Variants in WDR37 observed in about 807,000 individuals in gnomAD.
The protein encoded by WDR37 is WD repeat-containing protein 37.
A neutral mutation model predicts 62.9 loss-of-function variants in WDR37; 19 were observed. That is an observed-to-expected ratio of 0.30 (90% CI 0.21 to 0.44). The LOEUF is 0.44. Ranked by LOEUF, WDR37 falls within the 20% of genes least tolerant of loss-of-function variation. The pLI is 1.00. For synonymous variants in WDR37, 250 were observed against 260.9 expected (o/e 0.96, Z 0.40); for missense variants, 474 against 657.6 (o/e 0.72, Z 3.05).
chr10:1,128,969 G>A (rs891694886), intron 13 of WDR37, among the ~76,000 whole-genome samples: 2 of 150,964 alleles, frequency 1.3e-5, no homozygotes, highest in Non-Finnish European at 3.0e-5. Flanking sequence ...GTTGGTGCTC[G>A]GCAGTCCATG....
At chr10:1,117,094 G>A (rs1039714719) in intron 11 of WDR37, among the ~76,000 whole-genome samples, 6 of 152,036 alleles carry the variant, frequency 3.9e-5, no homozygotes, top group Non-Finnish European at 8.8e-5. Context: ...TCACCCTCTC[G>A]CCTAGGCTGG....
At chr10:1,128,409 C>G (rs1484765521) in intron 13 of WDR37, among the ~76,000 whole-genome samples, 1 of 152,230 alleles carries the variant, frequency 6.6e-6, no homozygotes, top group East Asian at 1.9e-4. Flanking sequence ...ATTGCTCTGT[C>G]ACATATTTTG....
At chr10:1,118,357 C>G (rs1564512389) in intron 11 of WDR37, among the ~76,000 whole-genome samples, 1 of 145,756 alleles carries the variant, frequency 6.9e-6, no homozygotes, top group Non-Finnish European at 1.5e-5. Context: ...CTTGAAGTCC[C>G]TGCACACATC....
chr10:1,076,859 G>A lies in WDR37; in HGVS notation c.139-1048G>A, dbSNP rs1833893686. ...AGATTGACACCATCCTGGCCAGCAT[G>A]TGTGGTGGCGCACGCCTATAGTCCC... On this transcript the variant is annotated intron_variant, in intron 2 of 13. Coordinates refer to ENST00000263150, the MANE Select transcript of WDR37 (RefSeq NM_014023.4). 2.0e-5 allele frequency among the ~76,000 whole-genome samples: 3 copies of A among 151,568 alleles called. No individual in the cohort carries two copies. The South Asian group carries it at 6.2e-4, about 32-fold the overall frequency.
At chr10:1,076,522 A>G (rs1833882290) in intron 2 of WDR37, among the ~76,000 whole-genome samples, 1 of 151,856 alleles carries the variant, frequency 6.6e-6, no homozygotes, top group Admixed American at 6.6e-5. Flanking sequence ...AACTGAAAAT[A>G]CAAAAAATTA....
At chr10:1,084,376 T>G in intron 5 of WDR37, 27 bp from the exon 6 acceptor site, 1 of 1,598,410 alleles carries the variant, frequency 6.3e-7, no homozygotes, top group Non-Finnish European at 8.6e-7. Flanking sequence ...GTAAATTGTT[T>G]CACAAGACTC....
At chr10:1,111,779 G>T (rs1304306864) in intron 11 of WDR37, among the ~76,000 whole-genome samples, 2 of 152,214 alleles carry the variant, frequency 1.3e-5, no homozygotes, top group Non-Finnish European at 2.9e-5. Flanking sequence ...AGCAATTTTA[G>T]ATACTTCATA....
In WDR37 at chr10:1,124,281, G is replaced by T. The variant is rs145245986; in HGVS notation, c.1167G>T (p.Thr389=). 6.2e-7 allele frequency: 1 copy of T among 1,614,198 alleles called. No homozygotes were observed. Among genetic ancestry groups the T allele is most frequent in the South Asian group, 1.1e-5 (1 of 91,086 alleles). The change falls in exon 12 of 14, where the codon ACG becomes ACT. Residue 389 remains threonine (T), a synonymous_variant. Coordinates refer to ENST00000263150, the MANE Select transcript of WDR37 (RefSeq NM_014023.4). ...TGGTTTCAGGCAGCGATGACCGCACGGTGAAAGTCTGGGACTTGAAAAATA... is the reference window on the plus strand; with the variant it reads ...TGGTTTCAGGCAGCGATGACCGCACTGTGAAAGTCTGGGACTTGAAAAATA... ...DNVVSGSDDR[T]VKVWDLKNMR... is the part of the protein sequence containing the mutation.
intron 11 of WDR37, among the ~76,000 whole-genome samples, chr10:1,107,803 ACTG>A (rs1364579561): frequency 2.0e-5 from 3 of 150,286 alleles, no homozygotes; most frequent in Non-Finnish European, 4.4e-5. Context: ...GTATTGCAGC[ACTG>A]CTGTCTCTCT....
chr10:1,098,154 G>A (rs990209532), intron 9 of WDR37, among the ~76,000 whole-genome samples: 2 of 152,144 alleles, frequency 1.3e-5, no homozygotes, highest in Admixed American at 6.5e-5. Context: ...CAGTGTGGCT[G>A]TATTTGGAGA....
intron 1 of WDR37, among the ~76,000 whole-genome samples, chr10:1,063,076 A>T (rs1222998333): frequency 4.0e-5 from 6 of 148,276 alleles, no homozygotes; most frequent in Non-Finnish European, 8.9e-5. Flanking sequence ...ACAGAGCGAC[A>T]CTCTGTTAAA....
At position 1,117,930 on chromosome 10, in the gene WDR37, C is replaced by G. The variant is rs554502349; in HGVS notation, c.1104-6288C>G. 5.8e-4 allele frequency among the ~76,000 whole-genome samples: 88 copies of G among 151,020 alleles called. 1 individual carries two copies. Among genetic ancestry groups the G allele is most frequent in the East Asian group, 4.7e-3 (24 of 5,118 alleles). ...ATCTGAGCCGCGTGCACTCAGCCAC[C>G]CTCAACCAGCTCTGTTTGAAGTCCC... On this transcript the variant is annotated intron_variant, in intron 11 of 13. Transcript: ENST00000263150.
intron 11 of WDR37, among the ~76,000 whole-genome samples, chr10:1,107,302 A>G (rs1389661994): frequency 3.4e-5 from 1 of 29,546 alleles, no homozygotes; most frequent in South Asian, 1.7e-3. Flanking sequence ...ACCACTGTGT[A>G]GGGCGGGGCA....
At chr10:1,092,155 G>T (rs1834413839) in intron 7 of WDR37, among the ~76,000 whole-genome samples, 2 of 140,598 alleles carry the variant, frequency 1.4e-5, no homozygotes, top group South Asian at 4.7e-4. Context: ...ACTCCAACCT[G>T]GGAGACACAG....
chr10:1,099,155 T>C (rs552116154), intron 9 of WDR37, among the ~76,000 whole-genome samples: 1 of 152,378 alleles, frequency 6.6e-6, no homozygotes, highest in South Asian at 2.1e-4. Context: ...TGCCTTGTGC[T>C]CTCTGCAGTA....
chr10:1,084,357 T>C (rs1302510575), intron 5 of WDR37, 46 bp from the exon 6 acceptor site: 1 of 1,589,192 alleles, frequency 6.3e-7, no homozygotes, highest in Non-Finnish European at 8.6e-7. Flanking sequence ...CTTAGAAAAA[T>C]TTACTTCAGT....
At chr10:1,095,041 A>C (rs1417380227) in intron 8 of WDR37, among the ~76,000 whole-genome samples, 1 of 151,516 alleles carries the variant, frequency 6.6e-6, no homozygotes, top group Non-Finnish European at 1.5e-5. Flanking sequence ...ATGGGTATAG[A>C]GAGGAGAGTT....
chr10:1,088,820 A>G (rs1462681156), intron 7 of WDR37, among the ~76,000 whole-genome samples: 1 of 152,220 alleles, frequency 6.6e-6, no homozygotes, highest in East Asian at 1.9e-4. Flanking sequence ...GGTTGCCACA[A>G]ACCCTCAATT....
chr10:1,114,405 A>C (rs1472385966), intron 11 of WDR37, among the ~76,000 whole-genome samples: 1 of 152,268 alleles, frequency 6.6e-6, no homozygotes, highest in Non-Finnish European at 1.5e-5. Flanking sequence ...GTCAGCAGCC[A>C]TCAGCATCGA....
Sources: gnomAD v4.1 joint callset for allele counts (sites outside exome capture counted in the v4.1 genomes callset) on GRCh38, gnomAD v4.1.1 for gene constraint, MANE v1.5 for transcripts, NCBI Gene and HGNC (gene_info 2026-07-23, HGNC 2026-07-21) for gene names.